Variants in DGKB observed in about 807,000 individuals in gnomAD.
The protein encoded by DGKB is 90 kDa diacylglycerol kinase.
A neutral mutation model predicts 114.3 loss-of-function variants in DGKB; 67 were observed. The observed-to-expected ratio is 0.59, with a 90% confidence interval of 0.48 to 0.72. The LOEUF (loss-of-function observed/expected upper bound fraction) is 0.72. DGKB is among the 30% of genes least tolerant of loss of function. DGKB has a pLI of 0.00. For missense variants in DGKB, 907 were observed against 975.2 expected (o/e 0.93, Z 0.93); for synonymous variants, 398 against 323.1 (o/e 1.23, Z -2.49).
At chr7:14,597,697 C>T (rs985573560) in intron 17 of DGKB, among the ~76,000 whole-genome samples, 2 of 151,810 alleles carry the variant, frequency 1.3e-5, no homozygotes, top group Admixed American at 1.3e-4. Context: ...GGACTGTTGT[C>T]CAGAGAGATT....
At chr7:14,790,949 A>G (rs1003831183) in intron 2 of DGKB, among the ~76,000 whole-genome samples, 1 of 152,082 alleles carries the variant, frequency 6.6e-6, no homozygotes, top group Non-Finnish European at 1.5e-5. Flanking sequence ...TTGTATATTG[A>G]TCAATTTATT....
chr7:14,425,448 GA>G (rs762396552), intron 21 of DGKB, among the ~76,000 whole-genome samples: 312 of 151,624 alleles, frequency 2.1e-3, no homozygotes, highest in African/African-American at 6.6e-3. Flanking sequence ...TGTCACAGGT[GA>G]AAAAAAATGC....
At position 14,439,865 on chromosome 7, in the gene DGKB, CA is replaced by C. The variant is rs756256822; in HGVS notation, c.1835+38295del. On this transcript the variant is annotated intron_variant, in intron 21 of 25. Transcript: ENST00000402815. ...GGACGACAGAGTGAGACTCTGTTTC[CA>C]AAAAAAAAAAAAAAAAAAGTAATGA... 1.5e-3 allele frequency among the ~76,000 whole-genome samples: 153 copies of C among 104,054 alleles called. 1 individual carries two copies. The highest frequency in any genetic ancestry group is 5.3e-3 in the Middle Eastern group (1 of 188). The allele number at this position is 104,054 out of a possible 152,430, so 68.3% of individuals were successfully genotyped here.
rs1413554994 is a variant in DGKB at position 14,145,214 on chromosome 7, T to C, written c.*3917A>G. 6.6e-6 allele frequency: 1 copy of C among 152,150 alleles called. No homozygotes were observed. Among genetic ancestry groups the C allele is most frequent in the Non-Finnish European group, 1.5e-5 (1 of 68,024 alleles). 9.4% of individuals were successfully genotyped at this position (152,150 alleles called of 1,614,324 possible). Reference sequence around the variant, plus strand: ...AACTTTATTTAAATATAGCAGAATTTAATTGGGAGTTTTAAGTGGTGATTT... The same window carrying C: ...AACTTTATTTAAATATAGCAGAATTCAATTGGGAGTTTTAAGTGGTGATTT... On this transcript the variant is annotated 3_prime_UTR_variant, in exon 26 of 26. Transcript: ENST00000402815.
rs536772424 is a variant in DGKB at position 14,438,318 on chromosome 7, T to C, written c.1835+39843A>G. On this transcript the variant is annotated intron_variant, in intron 21 of 25. Coordinates refer to ENST00000402815, the MANE Select transcript of DGKB (RefSeq NM_001350709.2). ...AATTAGTAGGTCAAGAGAGCAAAGC[T>C]AGTCAGTTTTTTAACAGTGCTACCA... 2.6e-5 allele frequency among the ~76,000 whole-genome samples: 4 copies of C among 152,240 alleles called. No individual in the cohort carries two copies. In the East Asian group the frequency reaches 7.7e-4, roughly 29 times the overall value.
intron 21 of DGKB, among the ~76,000 whole-genome samples, chr7:14,408,653 A>G (rs535231072): frequency 2.2e-4 from 33 of 152,278 alleles, no homozygotes; most frequent in Non-Finnish European, 4.1e-4. Context: ...TTTCAAATAT[A>G]GTATTTTAAA....
chr7:14,901,404 T>G (rs1783032492), intron 1 of DGKB, among the ~76,000 whole-genome samples: 1 of 152,184 alleles, frequency 6.6e-6, no homozygotes, highest in Non-Finnish European at 1.5e-5. Flanking sequence ...TTTCACAAAT[T>G]TTGAAGCTTC....
intron 19 of DGKB, among the ~76,000 whole-genome samples, chr7:14,580,360 G>C (rs1799747096): frequency 1.3e-5 from 2 of 152,174 alleles, no homozygotes; most frequent in Non-Finnish European, 2.9e-5. Context: ...AGAAATCAAG[G>C]TACTTTTGTT....
At chr7:14,889,779 G>C (rs1309593881) in intron 1 of DGKB, among the ~76,000 whole-genome samples, 2 of 151,496 alleles carry the variant, frequency 1.3e-5, no homozygotes, top group African/African-American at 4.8e-5. Context: ...AAAACAAAAA[G>C]TATGGAATTG....
chr7:14,666,933 T>C (rs189583757), intron 13 of DGKB, among the ~76,000 whole-genome samples: 11 of 152,114 alleles, frequency 7.2e-5, no homozygotes, highest in Admixed American at 5.3e-4. Flanking sequence ...TTATATCTGA[T>C]GTAGGGAATC....
At chr7:14,856,864 A>T (rs1345718844) in intron 1 of DGKB, among the ~76,000 whole-genome samples, 1 of 152,116 alleles carries the variant, frequency 6.6e-6, no homozygotes, top group Non-Finnish European at 1.5e-5. Flanking sequence ...GACTTACTTT[A>T]GTCAGCTTCT....
chr7:14,360,812 C>T (rs896201309), intron 21 of DGKB, among the ~76,000 whole-genome samples: 1 of 152,032 alleles, frequency 6.6e-6, no homozygotes, highest in Non-Finnish European at 1.5e-5. Context: ...AAGGAGTATA[C>T]ATATATTTTG....
At position 14,738,812 on chromosome 7, in the gene DGKB, A is replaced by C. The variant is rs140105817; in HGVS notation, c.169-2618T>G. Among the ~76,000 whole-genome samples, 288 of 152,346 alleles carry C rather than the reference A, an allele frequency of 1.9e-3. 2 individuals carry two copies. The highest frequency in any genetic ancestry group is 6.9e-3 in the African/African-American group (286 of 41,588). On this transcript the variant is annotated intron_variant, in intron 4 of 25. Coordinates refer to ENST00000402815, the MANE Select transcript of DGKB (RefSeq NM_001350709.2). Reference sequence around the variant, plus strand: ...AGTAGTAAAGGACTAGAAATTGGTGAAAGTTTTTCTCTGGATCTGCTTTTG... The same window carrying C: ...AGTAGTAAAGGACTAGAAATTGGTGCAAGTTTTTCTCTGGATCTGCTTTTG...
At chr7:14,707,351 G>A (rs1384616116) in intron 6 of DGKB, among the ~76,000 whole-genome samples, 2 of 150,150 alleles carry the variant, frequency 1.3e-5, no homozygotes, top group Admixed American at 6.7e-5. Context: ...AAAGAGTCCA[G>A]GGCCAGATGG....
chr7:14,969,551 C>T (rs529061151), intron 1 of DGKB, among the ~76,000 whole-genome samples: 2 of 152,212 alleles, frequency 1.3e-5, no homozygotes, highest in African/African-American at 4.8e-5. Context: ...CTGAGTTCCA[C>T]CTTCTGTCAG....
intron 1 of DGKB, among the ~76,000 whole-genome samples, chr7:14,972,411 T>G (rs1787521874): frequency 6.6e-6 from 1 of 152,118 alleles, no homozygotes; most frequent in Non-Finnish European, 1.5e-5. Flanking sequence ...TTTATTCATT[T>G]CCAGATCAGT....
intron 21 of DGKB, among the ~76,000 whole-genome samples, chr7:14,464,623 C>T (rs918436160): frequency 1.3e-5 from 2 of 152,100 alleles, no homozygotes; most frequent in Non-Finnish European, 2.9e-5. Flanking sequence ...TGCTTGCTTG[C>T]ACAGCAAATG....
At chr7:14,222,907 T>C (rs776621521) in intron 23 of DGKB, among the ~76,000 whole-genome samples, 1 of 151,664 alleles carries the variant, frequency 6.6e-6, no homozygotes, top group Non-Finnish European at 1.5e-5. Context: ...TCCTTCTTTA[T>C]CTCTGGTATC....
chr7:14,246,066 C>G (rs537619926), intron 23 of DGKB, among the ~76,000 whole-genome samples: 1 of 152,268 alleles, frequency 6.6e-6, no homozygotes. Flanking sequence ...TACAAATTAG[C>G]TTTCTATATG....
Sources: gnomAD v4.1 joint callset for allele counts (sites outside exome capture counted in the v4.1 genomes callset) on GRCh38, gnomAD v4.1.1 for gene constraint, MANE v1.5 for transcripts, NCBI Gene and HGNC (gene_info 2026-07-23, HGNC 2026-07-21) for gene names.